COX10: variants seen among roughly 807,000 people sequenced by gnomAD.
The protein encoded by COX10 is protoheme IX farnesyltransferase, mitochondrial.
A neutral mutation model predicts 37.3 loss-of-function variants in COX10; 27 were observed. That is an observed-to-expected ratio of 0.72 (90% confidence interval 0.53 to 1.00). The LOEUF (loss-of-function observed/expected upper bound fraction) is 1.00. Ranked by LOEUF, COX10 falls within the 50% of genes least tolerant of loss-of-function variation. The pLI is 0.00. For missense variants in COX10, 475 were observed against 563.2 expected (o/e 0.84, Z 1.59); for synonymous variants, 222 against 229.1 (o/e 0.97, Z 0.28).
At chr17:14,104,058 G>A (rs1237992301) in intron 4 of COX10, among the ~76,000 whole-genome samples, 1 of 152,004 alleles carries the variant, frequency 6.6e-6, no homozygotes, top group Non-Finnish European at 1.5e-5. Flanking sequence ...TCCTCCATGT[G>A]TCACTCATCC....
intron 5 of COX10, among the ~76,000 whole-genome samples, chr17:14,180,212 G>T (rs868376332): frequency 1.3e-5 from 2 of 151,864 alleles, no homozygotes; most frequent in Non-Finnish European, 2.9e-5. Flanking sequence ...GGGTTGTTAT[G>T]ATTAGTCTCT....
chr17:14,102,300 A>G (rs534873179), intron 4 of COX10, 58 bp downstream of exon 4: 93 of 1,605,196 alleles, frequency 5.8e-5, no homozygotes, highest in Non-Finnish European at 6.6e-5. Context: ...AGATGGCTGT[A>G]TTGTCATATT....
intron 4 of COX10, among the ~76,000 whole-genome samples, chr17:14,146,223 A>G (rs1409767220): frequency 1.3e-5 from 2 of 152,132 alleles, no homozygotes; most frequent in Non-Finnish European, 2.9e-5. Context: ...TATAGTAACC[A>G]AAGAGCTATA....
At chr17:14,170,638 G>T (rs1905436400) in intron 5 of COX10, among the ~76,000 whole-genome samples, 1 of 152,120 alleles carries the variant, frequency 6.6e-6, no homozygotes, top group African/African-American at 2.4e-5. Flanking sequence ...AACGTAGTGA[G>T]ACCCTGTCTT....
intron 5 of COX10, among the ~76,000 whole-genome samples, chr17:14,162,978 C>T (rs918240163): frequency 6.6e-6 from 1 of 152,188 alleles, no homozygotes; most frequent in African/African-American, 2.4e-5. Flanking sequence ...ACATCATTTG[C>T]CTGCATTGGC....
At chr17:14,151,068 A>C (rs76796890) in intron 4 of COX10, among the ~76,000 whole-genome samples, 1 of 49,214 alleles carries the variant, frequency 2.0e-5, no homozygotes, top group Non-Finnish European at 3.8e-5. Flanking sequence ...AAAGCACAGG[A>C]AAAAAAAAAT....
At chr17:14,102,034 G>C in intron 3 of COX10, 84 bp from the exon 4 acceptor site, 2 of 1,542,348 alleles carry the variant, frequency 1.3e-6, no homozygotes, top group Non-Finnish European at 1.8e-6. Context: ...TTTATATGAA[G>C]GATGGCTTGT....
intron 3 of COX10, among the ~76,000 whole-genome samples, chr17:14,085,343 A>T (rs193141976): frequency 1.3e-5 from 2 of 152,302 alleles, no homozygotes; most frequent in East Asian, 3.9e-4. Flanking sequence ...TTCTTCCCTA[A>T]TTGGTATATC....
chr17:14,125,355 T>C (rs1405758543), intron 4 of COX10, among the ~76,000 whole-genome samples: 1 of 152,218 alleles, frequency 6.6e-6, no homozygotes, highest in Non-Finnish European at 1.5e-5. Flanking sequence ...TTATTTGTAA[T>C]GTTTACAGTG....
chr17:14,203,917 A>T (rs2529625), intron 6 of COX10, among the ~76,000 whole-genome samples: 107,757 of 151,850 alleles, frequency 0.71, 38,939 homozygotes, highest in Non-Finnish European at 0.79. Context: ...GATGACACAG[A>T]GGGTTGGTGA....
chr17:14,110,027 G>A (rs75975281), intron 4 of COX10, among the ~76,000 whole-genome samples: 8,637 of 152,082 alleles, frequency 0.057, 316 homozygotes, highest in Middle Eastern at 0.11. Context: ...TATTTTGGAA[G>A]ATGAAATAAA....
intron 4 of COX10, among the ~76,000 whole-genome samples, chr17:14,113,592 A>G (rs563108986): frequency 6.6e-5 from 10 of 152,256 alleles, no homozygotes; most frequent in Admixed American, 6.5e-4. Flanking sequence ...CAGGTACTGA[A>G]TTTTAGCTCG....
At chr17:14,087,595 G>C (rs1915437920) in intron 3 of COX10, among the ~76,000 whole-genome samples, 1 of 152,072 alleles carries the variant, frequency 6.6e-6, no homozygotes, top group African/African-American at 2.4e-5. Context: ...AGGAACCAAG[G>C]CTATCAGTTT....
At chr17:14,120,093 A>C (rs1916198355) in intron 4 of COX10, among the ~76,000 whole-genome samples, 1 of 152,138 alleles carries the variant, frequency 6.6e-6, no homozygotes, top group Admixed American at 6.5e-5. Context: ...GAAGTTTTTG[A>C]GGATGACTCC....
At chr17:14,075,765 C>T (rs886628265) in intron 2 of COX10, among the ~76,000 whole-genome samples, 2 of 151,758 alleles carry the variant, frequency 1.3e-5, no homozygotes, top group African/African-American at 2.4e-5. Flanking sequence ...CCGAGGCGGG[C>T]GGATCATGAG....
chr17:14,127,217 A>G lies in COX10; in HGVS notation c.624+24975A>G, dbSNP rs540178345. Among the ~76,000 whole-genome samples the G allele has an allele frequency of 2.6e-5, 4 of 152,256 alleles. No individual in the cohort carries two copies. In the South Asian group the frequency reaches 8.3e-4, roughly 32 times the overall value. ...CACTAAACCAACCTTTCTACTGTAG[A>G]TGTATATTTTTAAAAAATTGATGTT... On this transcript the variant is annotated intron_variant, in intron 4 of 6. Coordinates refer to ENST00000261643, the MANE Select transcript of COX10 (RefSeq NM_001303.4).
At chr17:14,128,858 T>A (rs1254968353) in intron 4 of COX10, among the ~76,000 whole-genome samples, 2 of 152,264 alleles carry the variant, frequency 1.3e-5, no homozygotes, top group South Asian at 4.1e-4. Context: ...TTATTTATTT[T>A]TTTTGAGACA....
chr17:14,205,046 G>A (rs1463693671), intron 6 of COX10, among the ~76,000 whole-genome samples: 33 of 152,190 alleles, frequency 2.2e-4, no homozygotes, highest in Admixed American at 2.1e-3. Flanking sequence ...GATCGAGGCT[G>A]CAGTGAGCTG....
chr17:14,173,901 C>T (rs1228301504), intron 5 of COX10, among the ~76,000 whole-genome samples: 1 of 152,066 alleles, frequency 6.6e-6, no homozygotes, highest in Non-Finnish European at 1.5e-5. Context: ...ATTCCACTTC[C>T]AGCATGACAA....
Sources: gnomAD v4.1 joint callset for allele counts (sites outside exome capture counted in the v4.1 genomes callset) on GRCh38, gnomAD v4.1.1 for gene constraint, MANE v1.5 for transcripts, NCBI Gene and HGNC (gene_info 2026-07-23, HGNC 2026-07-21) for gene names.